Variants in PPFIA2 observed in about 807,000 individuals in gnomAD.
PPFIA2 encodes the protein liprin-alpha-2.
PPFIA2 carries 46 observed loss-of-function variants against 175.5 expected under a neutral mutation model. That is an observed-to-expected ratio of 0.26 (90% confidence interval 0.21 to 0.34). The LOEUF is 0.34. PPFIA2 is among the 10% of genes least tolerant of loss of function. The pLI is 1.00. For synonymous variants in PPFIA2, 568 were observed against 511.4 expected, an observed-to-expected ratio of 1.11 and a Z score of -1.49; for missense variants, 1,179 against 1,506.1, an observed-to-expected ratio of 0.78 and a Z score of 3.60.
intron 4 of PPFIA2, among the ~76,000 whole-genome samples, chr12:81,648,104 G>C (rs1269663756): frequency 6.6e-6 from 1 of 150,784 alleles, no homozygotes; most frequent in Non-Finnish European, 1.5e-5. Flanking sequence ...TTTTAGTAAA[G>C]GAGTAAGGTT....
At chr12:81,751,413 CTT>C (rs10717907) in intron 3 of PPFIA2, among the ~76,000 whole-genome samples, 175 of 146,986 alleles carry the variant, frequency 1.2e-3, no homozygotes, top group East Asian at 5.7e-3. Flanking sequence ...TATTTACAGT[CTT>C]TTTTTTTTTT....
At chr12:81,268,421 A>G (rs1022860366) in intron 28 of PPFIA2, among the ~76,000 whole-genome samples, 2 of 152,092 alleles carry the variant, frequency 1.3e-5, no homozygotes, top group Non-Finnish European at 2.9e-5. Flanking sequence ...TACAGGCGTG[A>G]GCCACCGCGC....
At chr12:81,445,834 G>GT in intron 5 of PPFIA2, 114 bp from the exon 6 acceptor site, 3 of 946,454 alleles carry the variant, frequency 3.2e-6, no homozygotes, top group Non-Finnish European at 4.6e-6. Context: ...GTTAGCTGCA[G>GT]GTTACACTGC....
At chr12:81,454,922 C>T (rs1275148309) in intron 5 of PPFIA2, among the ~76,000 whole-genome samples, 1 of 152,174 alleles carries the variant, frequency 6.6e-6, no homozygotes, top group Non-Finnish European at 1.5e-5. Context: ...GATCTCTGCT[C>T]ACTGCAATCT....
chr12:81,758,272 A>C, intron 2 of PPFIA2, 128 bp downstream of exon 2: 2 of 413,380 alleles, frequency 4.8e-6, no homozygotes, highest in Non-Finnish European at 9.9e-6. Context: ...GTGAAAGCAA[A>C]AGGCACCTAA....
chr12:81,710,062 T>C (rs994441471), intron 3 of PPFIA2, among the ~76,000 whole-genome samples: 1 of 152,050 alleles, frequency 6.6e-6, no homozygotes, highest in Non-Finnish European at 1.5e-5. Context: ...ATTCTTCTAC[T>C]GGAAAGTTTA....
chr12:81,334,584 CAGAT>C (rs577262195), intron 21 of PPFIA2, among the ~76,000 whole-genome samples: 58 of 151,946 alleles, frequency 3.8e-4, no homozygotes, highest in African/African-American at 1.3e-3. Flanking sequence ...TTCAAGTAAA[CAGAT>C]AGAAACAAAA....
intron 16 of PPFIA2, among the ~76,000 whole-genome samples, chr12:81,353,689 A>T (rs1227454739): frequency 6.6e-6 from 1 of 152,174 alleles, no homozygotes; most frequent in African/African-American, 2.4e-5. Flanking sequence ...GTACTCAAGC[A>T]CTCACGACTT....
At position 81,353,227 on chromosome 12, in the gene PPFIA2, T is replaced by C. The variant is rs773408311; in HGVS notation, c.1886A>G (p.Glu629Gly). 3.5e-5 allele frequency: 57 copies of C among 1,613,732 alleles called. No individual in the cohort carries two copies. The highest frequency in any genetic ancestry group is 4.8e-5 in the Non-Finnish European group (57 of 1,179,830). ...AAGATCCATTGAGCTAAAAATTGTT[T>C]CTCTGTCATCATCATCAATATCAGA... is the stretch of plus-strand genomic sequence containing the variant. ...EMSDIDDDDRETIFSSMDLLS... is the reference protein window; with the variant it reads ...EMSDIDDDDRGTIFSSMDLLS... The change falls in exon 17 of 33, where the codon GAA (glutamate) becomes GGA (glycine). Residue 629 changes from glutamate (E) to glycine (G), a missense_variant. Transcript: ENST00000549396.
At chr12:81,394,762 T>C (rs1445062208) in intron 8 of PPFIA2, among the ~76,000 whole-genome samples, 1 of 151,326 alleles carries the variant, frequency 6.6e-6, no homozygotes, top group Non-Finnish European at 1.5e-5. Context: ...ATGGCACATG[T>C]ATATCTATGT....
At chr12:81,310,077 T>C (rs1447771092) in intron 22 of PPFIA2, among the ~76,000 whole-genome samples, 2 of 152,242 alleles carry the variant, frequency 1.3e-5, no homozygotes, top group East Asian at 1.9e-4. Context: ...TTAGATTAGA[T>C]TGCTCTAGTG....
chr12:81,602,252 A>C (rs2059872785), intron 4 of PPFIA2, among the ~76,000 whole-genome samples: 1 of 148,774 alleles, frequency 6.7e-6, no homozygotes, highest in African/African-American at 2.6e-5. Context: ...AACAGAGAAA[A>C]TACAATATTA....
intron 32 of PPFIA2, among the ~76,000 whole-genome samples, chr12:81,261,608 T>C (rs1043187685): frequency 6.6e-6 from 1 of 152,176 alleles, no homozygotes; most frequent in Non-Finnish European, 1.5e-5. Flanking sequence ...AAGATAGGAT[T>C]TTTTAAAGTG....
At chr12:81,309,768 T>C (rs2050261366) in intron 22 of PPFIA2, among the ~76,000 whole-genome samples, 1 of 152,068 alleles carries the variant, frequency 6.6e-6, no homozygotes, top group Non-Finnish European at 1.5e-5. Flanking sequence ...AAGAAATGTA[T>C]TTGGGAATTG....
intron 9 of PPFIA2, among the ~76,000 whole-genome samples, chr12:81,383,283 A>G (rs2038164008): frequency 6.6e-6 from 1 of 152,190 alleles, no homozygotes; most frequent in Non-Finnish European, 1.5e-5. Context: ...ATATGTAAAA[A>G]TGGAAAAGGC....
chr12:81,393,457 A>G (rs892490682), intron 8 of PPFIA2, among the ~76,000 whole-genome samples: 3 of 152,106 alleles, frequency 2.0e-5, no homozygotes, highest in African/African-American at 7.2e-5. Context: ...TGTAAATATA[A>G]GTCAAGTAGG....
In PPFIA2 at chr12:81,564,972, T is replaced by C. The variant is rs576918722; in HGVS notation, c.304-107106A>G. Among the ~76,000 whole-genome samples the C allele has an allele frequency of 1.1e-4, 16 of 152,316 alleles. No individual in the cohort carries two copies. In the East Asian group the frequency reaches 2.5e-3, roughly 24 times the overall value. ...TGCATGCACAACCTCACCAGCTGTC[T>C]ACTGTTAAAGTGAGGGCATTGATTG... On this transcript the variant is annotated intron_variant, in intron 4 of 32. Coordinates refer to ENST00000549396, the MANE Select transcript of PPFIA2 (RefSeq NM_003625.5).
chr12:81,595,756 T>C (rs1271306879), intron 4 of PPFIA2, among the ~76,000 whole-genome samples: 2 of 152,188 alleles, frequency 1.3e-5, no homozygotes, highest in South Asian at 2.1e-4. Flanking sequence ...GTCAAATACA[T>C]TCTAAATCTT....
chr12:81,415,580 TA>T (rs1209418423), intron 7 of PPFIA2, among the ~76,000 whole-genome samples: 1 of 150,596 alleles, frequency 6.6e-6, no homozygotes, highest in South Asian at 2.1e-4. Flanking sequence ...TTATAATGAT[TA>T]AAAAATCCTC....
Sources: gnomAD v4.1 joint callset for allele counts (sites outside exome capture counted in the v4.1 genomes callset) on GRCh38, gnomAD v4.1.1 for gene constraint, MANE v1.5 for transcripts, NCBI Gene and HGNC (gene_info 2026-07-23, HGNC 2026-07-21) for gene names.